MACF1: variants seen among roughly 807,000 people sequenced by gnomAD.
MACF1 encodes the protein microtubule-actin cross-linking factor 1.
Under a neutral mutation model 854.8 loss-of-function variants are expected in MACF1, and 193 were observed. The ratio of observed to expected loss-of-function variants is 0.23; its 90% CI spans 0.20 to 0.25. The LOEUF is 0.25. MACF1 is among the 10% of genes least tolerant of loss of function. The pLI is 1.00. For synonymous variants in MACF1, 3,185 were observed against 3,226.7 expected (o/e 0.99, Z 0.44); for missense variants, 7,722 against 8,929.1 (o/e 0.86, Z 5.45).
intron 65 of MACF1, 81 bp downstream of exon 65, chr1:39,430,149 A>G: frequency 6.9e-7 from 1 of 1,455,020 alleles, no homozygotes; most frequent in South Asian, 1.4e-5. Context: ...CTTTACCTTA[A>G]ATATAAACTA....
chr1:39,472,631 T>C (rs1644799768), intron 97 of MACF1, among the ~76,000 whole-genome samples: 1 of 152,226 alleles, frequency 6.6e-6, no homozygotes, highest in South Asian at 2.1e-4. Context: ...AAAATGCAAA[T>C]ATCCATGGGA....
At chr1:39,293,786 G>T (rs1156488249) in intron 18 of MACF1, among the ~76,000 whole-genome samples, 167 bp downstream of exon 18, 1 of 151,614 alleles carries the variant, frequency 6.6e-6, no homozygotes, top group African/African-American at 2.4e-5. Flanking sequence ...TGGAGAGAGG[G>T]ACAGTAGAAC....
intron 61 of MACF1, among the ~76,000 whole-genome samples, chr1:39,426,780 G>A (rs905467990): frequency 4.6e-5 from 7 of 151,884 alleles, no homozygotes; most frequent in South Asian, 2.1e-4. Context: ...TTTTTTTTTG[G>A]GGGGGGTGCT....
At chr1:39,133,795 C>T (rs1233457259) in intron 2 of MACF1, among the ~76,000 whole-genome samples, 1 of 152,076 alleles carries the variant, frequency 6.6e-6, no homozygotes, top group African/African-American at 2.4e-5. Context: ...ATCTCCAGAA[C>T]TTATTCATTT....
chr1:39,412,865 A>C, intron 58 of MACF1: 1 of 1,610,908 alleles, frequency 6.2e-7, no homozygotes, highest in East Asian at 2.2e-5. Flanking sequence ...CCTGCCCCAG[A>C]GGGAACTGCT....
chr1:39,235,384 A>C (rs1285332738), intron 2 of MACF1, among the ~76,000 whole-genome samples: 1 of 152,246 alleles, frequency 6.6e-6, no homozygotes, highest in Non-Finnish European at 1.5e-5. Context: ...AATCGCAGGC[A>C]CTCGGCAGGC....
chr1:39,422,472 T>C lies in MACF1; in HGVS notation c.15915T>C (p.Asp5305=). ...GLIQSAGKDC[D]VQGLEHDMEE... ...TTCAGAGTGCAGGAAAAGACTGTGA[T>C]GTACAGGGTTTAGAACATGACATGG... The change falls in exon 59 of 101, where the codon GAT becomes GAC. Residue 5305 remains aspartate, a synonymous_variant. Coordinates refer to ENST00000564288, the MANE Select transcript of MACF1 (RefSeq NM_001394062.1). The C allele has an allele frequency of 6.2e-7, 1 of 1,614,128 alleles. No homozygotes were observed. Among genetic ancestry groups the C allele is most frequent in the Non-Finnish European group, 8.5e-7 (1 of 1,179,990 alleles).
intron 46 of MACF1, 58 bp downstream of exon 46, chr1:39,358,931 G>T: frequency 1.9e-6 from 3 of 1,539,912 alleles, no homozygotes; most frequent in Non-Finnish European, 2.6e-6. Flanking sequence ...ATGGCGTAAA[G>T]TACCCCAAAA....
At position 39,247,151 on chromosome 1, in the gene MACF1, C is replaced by T. The variant is rs560819583; in HGVS notation, c.172-2863C>T. Reference sequence around the variant, plus strand: ...GCAGTGGCGCGATCTCGACTCACTGCAAGCTCCGCCTCCCGAGTTCACGCC... The same window carrying T: ...GCAGTGGCGCGATCTCGACTCACTGTAAGCTCCGCCTCCCGAGTTCACGCC... On this transcript the variant is annotated intron_variant, in intron 2 of 100. Coordinates refer to ENST00000564288, the MANE Select transcript of MACF1 (RefSeq NM_001394062.1). Among the ~76,000 whole-genome samples the T allele has an allele frequency of 2.7e-5, 4 of 145,858 alleles. No homozygotes were observed. In the South Asian group the frequency reaches 8.7e-4, roughly 32 times the overall value.
At position 39,451,217 on chromosome 1, in the gene MACF1, G is replaced by A. The variant is rs1255914206; in HGVS notation, c.20418+6G>A. On this transcript the variant is annotated splice_donor_region_variant and intron_variant, in intron 85 of 100. Coordinates refer to ENST00000564288, the MANE Select transcript of MACF1 (RefSeq NM_001394062.1). Reference sequence around the variant, plus strand: ...ACCTCATGGATGCACACAAGGTAGGGGTGAGGTCTGGGCTACATTGGAGTG... The same window carrying A: ...ACCTCATGGATGCACACAAGGTAGGAGTGAGGTCTGGGCTACATTGGAGTG... The A allele has an allele frequency of 6.2e-6, 10 of 1,612,826 alleles. No individual in the cohort carries two copies. Among genetic ancestry groups the A allele is most frequent in the African/African-American group, 2.7e-5 (2 of 74,904 alleles).
chr1:39,301,659 T>C (rs1323609403), intron 22 of MACF1, among the ~76,000 whole-genome samples: 1 of 151,978 alleles, frequency 6.6e-6, no homozygotes, highest in Non-Finnish European at 1.5e-5. Context: ...TCTCCTGACC[T>C]CATGATCTGC....
At position 39,472,294 on chromosome 1, in the gene MACF1, A is replaced by G. The variant is rs189796913; in HGVS notation, c.21958+2679A>G. Among the ~76,000 whole-genome samples, 102 of 152,350 alleles carry G rather than the reference A, an allele frequency of 6.7e-4. 1 individual carries two copies. The highest frequency in any genetic ancestry group is 2.4e-3 in the Admixed American group (36 of 15,308). Reference sequence around the variant, plus strand: ...ACCTTTACTACTAAATTCAAGTGCTAGTACATAAATTTTGCTTAATCAGAA... The same window carrying G: ...ACCTTTACTACTAAATTCAAGTGCTGGTACATAAATTTTGCTTAATCAGAA... On this transcript the variant is annotated intron_variant, in intron 97 of 100. Transcript: ENST00000564288.
chr1:39,336,656 C>A lies in MACF1; in HGVS notation c.10065+3C>A. ...CAGAGCCCTTCAGAGCAACTCAGGT[C>A]AGTGGTGTGCTTTTTTTTTTTTCTT... On this transcript the variant is annotated splice_donor_region_variant and intron_variant, in intron 37 of 100. Transcript: ENST00000564288. 6.4e-7 allele frequency: 1 copy of A among 1,563,350 alleles called. No individual in the cohort carries two copies. The highest frequency in any genetic ancestry group is 8.6e-7 in the Non-Finnish European group (1 of 1,163,672).
chr1:39,470,155 G>T (rs775426746), intron 97 of MACF1, among the ~76,000 whole-genome samples: 22 of 152,164 alleles, frequency 1.4e-4, no homozygotes, highest in Non-Finnish European at 2.9e-4. Flanking sequence ...AGAAATGTTT[G>T]CTGTACAGTA....
At chr1:39,099,130 GCA>G (rs1309817131) in intron 2 of MACF1, among the ~76,000 whole-genome samples, 2 of 152,056 alleles carry the variant, frequency 1.3e-5, no homozygotes, top group Non-Finnish European at 2.9e-5. Context: ...GTGCATGTGT[GCA>G]CACACACACA....
intron 96 of MACF1, among the ~76,000 whole-genome samples, 196 bp from the exon 97 acceptor site, chr1:39,469,351 G>A (rs928974893): frequency 2.6e-5 from 4 of 152,118 alleles, no homozygotes; most frequent in African/African-American, 9.7e-5. Context: ...GGGTGTGTGG[G>A]GACTGCAACA....
intron 2 of MACF1, among the ~76,000 whole-genome samples, chr1:39,160,606 A>T (rs1643778139): frequency 6.6e-6 from 1 of 152,232 alleles, no homozygotes; most frequent in African/African-American, 2.4e-5. Flanking sequence ...ATCAGATTTA[A>T]ACTCTTCTTT....
intron 21 of MACF1, chr1:39,299,230 C>T (rs1413983563): frequency 4.4e-6 from 2 of 456,090 alleles, no homozygotes; most frequent in Non-Finnish European, 8.8e-6. Flanking sequence ...TGTATTTCTT[C>T]CAATCATGCT....
chr1:39,102,641 A>G (rs1642122285), intron 2 of MACF1: 4 of 634,582 alleles, frequency 6.3e-6, no homozygotes, highest in Non-Finnish European at 8.5e-6. Flanking sequence ...TGAGGCTTTA[A>G]TTGGGAGGAC....
Sources: allele counts gnomAD v4.1 joint callset (sites outside exome capture counted in the v4.1 genomes callset), GRCh38; gene constraint gnomAD v4.1.1; transcripts MANE v1.5; gene names NCBI Gene and HGNC (gene_info 2026-07-23, HGNC 2026-07-21).